PCDHGA5: variants seen among roughly 807,000 people sequenced by gnomAD.
The protein encoded by PCDHGA5 is protocadherin gamma-A5.
Under a neutral mutation model 56.7 loss-of-function variants are expected in PCDHGA5, and 36 were observed. That is an observed-to-expected ratio of 0.64 (90% CI 0.49 to 0.84). PCDHGA5 has a LOEUF of 0.84. Among genes scored for constraint, PCDHGA5 ranks in the 40% least tolerant of loss-of-function variants. PCDHGA5 has a pLI of 0.00. For synonymous variants in PCDHGA5, 563 were observed against 520.2 expected, an observed-to-expected ratio of 1.08 and a Z score of -1.12; for missense variants, 1,305 against 1,201.5, an observed-to-expected ratio of 1.09 and a Z score of -1.27.
At chr5:141,419,751 C>T (rs140649685) in intron 1 of PCDHGA5, 1 of 1,613,900 alleles carries the variant, frequency 6.2e-7, no homozygotes, top group African/African-American at 1.3e-5. Flanking sequence ...ATGGTGCGTG[C>T]TTTGGGTGAC....
chr5:141,508,183 A>G (rs1596134418), intron 3 of PCDHGA5: 1 of 152,336 alleles, frequency 6.6e-6, no homozygotes, highest in African/African-American at 2.4e-5. Context: ...GAGAGAAGGC[A>G]TCACCCCCAC....
intron 1 of PCDHGA5, chr5:141,375,742 G>A: frequency 6.2e-7 from 1 of 1,614,216 alleles, no homozygotes; most frequent in Non-Finnish European, 8.5e-7. Context: ...TGTTTGTGCT[G>A]GACCAGAATG....
At position 141,486,883 on chromosome 5, in the gene PCDHGA5, C is replaced by G. The variant is rs1234866888; in HGVS notation, c.2422-7924C>G. The G allele has an allele frequency of 1.2e-6, 2 of 1,614,214 alleles. No individual in the cohort carries two copies. ...CTCCAGCTGTGCTCCGTCCTCGGGC[C>G]CGGCCTGGTTCCTTATGTCCCCAAG... On this transcript the variant is annotated intron_variant, in intron 1 of 3. Coordinates refer to ENST00000518069, the MANE Select transcript of PCDHGA5 (RefSeq NM_018918.3). The surrounding 1 kb of genome is among the most constrained non-coding windows in gnomAD (Gnocchi z 5.0).
At chr5:141,433,082 T>C in intron 1 of PCDHGA5, 1 of 1,614,188 alleles carries the variant, frequency 6.2e-7, no homozygotes. Flanking sequence ...CCAGCCCAAC[T>C]ATGCAGACAT....
chr5:141,444,565 C>G (rs2098441175), intron 1 of PCDHGA5, among the ~76,000 whole-genome samples: 1 of 152,124 alleles, frequency 6.6e-6, no homozygotes, highest in Non-Finnish European at 1.5e-5. Flanking sequence ...TTATTTGACA[C>G]TTTTGACTCT....
At chr5:141,375,421 C>G in intron 1 of PCDHGA5, 1 of 1,613,998 alleles carries the variant, frequency 6.2e-7, no homozygotes, top group South Asian at 1.1e-5. Flanking sequence ...CAGACACCAA[C>G]GACAACCCGC....
chr5:141,404,350 C>T (rs757103755), intron 1 of PCDHGA5: 1 of 1,613,894 alleles, frequency 6.2e-7, no homozygotes, highest in Non-Finnish European at 8.5e-7. Flanking sequence ...AAAACAACGC[C>T]AGAGGTACTT....
At chr5:141,400,999 TCCTA>T (rs1239504565) in intron 1 of PCDHGA5, among the ~76,000 whole-genome samples, 2 of 152,226 alleles carry the variant, frequency 1.3e-5, no homozygotes, top group African/African-American at 2.4e-5. Flanking sequence ...GCTTTCTTAT[TCCTA>T]CCTAATGGAT....
intron 1 of PCDHGA5, chr5:141,376,411 C>G (rs904052827): frequency 4.3e-6 from 7 of 1,614,180 alleles, no homozygotes; most frequent in South Asian, 3.3e-5. Flanking sequence ...CCAACTATGC[C>G]GACACGCTTA....
chr5:141,390,234 G>A (rs1357417854), intron 1 of PCDHGA5: 15 of 1,614,046 alleles, frequency 9.3e-6, no homozygotes, highest in Non-Finnish European at 1.3e-5. Context: ...TGATTCATCT[G>A]GGGCCTTATT....
chr5:141,491,571 C>G lies in PCDHGA5; in HGVS notation c.2422-3236C>G. The G allele has an allele frequency of 6.2e-7, 1 of 1,614,026 alleles. No individual in the cohort carries two copies. The highest frequency in any genetic ancestry group is 8.5e-7 in the Non-Finnish European group (1 of 1,180,042). ...CGCAGAGCCACTGCTACAGGACGTG[C>G]TTTTCACCGGCCTCGGACGGCAGTG... On this transcript the variant is annotated intron_variant, in intron 1 of 3. Transcript: ENST00000518069. This position sits in a 1 kb window ranked among gnomAD's most constrained non-coding sequence, Gnocchi z 6.9.
chr5:141,393,964 G>C, intron 1 of PCDHGA5: 1 of 1,613,870 alleles, frequency 6.2e-7, no homozygotes, highest in Middle Eastern at 1.6e-4. Flanking sequence ...CAAGTTGTCT[G>C]TTACACACGT....
intron 1 of PCDHGA5, chr5:141,394,176 G>A: frequency 6.2e-7 from 1 of 1,613,790 alleles, no homozygotes; most frequent in Non-Finnish European, 8.5e-7. Flanking sequence ...TTTCCCTCAT[G>A]CCTCCTACTC....
chr5:141,390,478 ATTTG>A (rs2092157792), intron 1 of PCDHGA5: 1 of 678,524 alleles, frequency 1.5e-6, no homozygotes, highest in Admixed American at 3.1e-5. Flanking sequence ...GTGGCCCAAC[ATTTG>A]TTTGTTTTTT....
chr5:141,389,293 C>T, intron 1 of PCDHGA5: 3 of 1,614,036 alleles, frequency 1.9e-6, no homozygotes, highest in Non-Finnish European at 2.5e-6. Context: ...GCCTCTATTT[C>T]ACAAGTCAGG....
At chr5:141,371,025 G>A (rs752262300) in intron 1 of PCDHGA5, 1 of 1,613,988 alleles carries the variant, frequency 6.2e-7, no homozygotes, top group Non-Finnish European at 8.5e-7. Flanking sequence ...TCACCACCTG[G>A]TCCTCACAGC....
chr5:141,384,221 AG>A, intron 1 of PCDHGA5: 1 of 1,613,936 alleles, frequency 6.2e-7, no homozygotes. Flanking sequence ...ATATTCATGC[AG>A]GTGGCAGACA....
At position 141,410,109 on chromosome 5, in the gene PCDHGA5, A is replaced by T. The variant is rs771550139; in HGVS notation, c.2421+43358A>T. On this transcript the variant is annotated intron_variant, in intron 1 of 3. Transcript: ENST00000518069. ...ACGGCTCGAGCCTTAGGCGACAGGG[A>T]CGCAGCCCGCCAGCGCCTGCTGGTC... is the stretch of plus-strand genomic sequence containing the variant. 9.9e-6 allele frequency: 16 copies of T among 1,612,380 alleles called. 1 individual carries two copies. The South Asian group carries it at 1.6e-4, about 17-fold the overall frequency.
chr5:141,397,199 T>A (rs1317536621), intron 1 of PCDHGA5, among the ~76,000 whole-genome samples: 1 of 152,156 alleles, frequency 6.6e-6, no homozygotes, highest in Non-Finnish European at 1.5e-5. Context: ...GTAAAAGATA[T>A]GACATAAGAG....
Sources: allele counts gnomAD v4.1 joint callset (sites outside exome capture counted in the v4.1 genomes callset), GRCh38; gene constraint gnomAD v4.1.1; non-coding constraint Gnocchi (gnomAD v3.1); transcripts MANE v1.5; gene names NCBI Gene and HGNC (gene_info 2026-07-23, HGNC 2026-07-21).